The following PHF21A variants were observed in gnomAD, a reference collection of about 807,000 sequenced individuals.
The protein encoded by PHF21A is PHD finger protein 21A.
PHF21A carries 11 observed loss-of-function variants against 82.5 expected under a neutral mutation model. The ratio of observed to expected loss-of-function variants is 0.13; its 90% CI spans 0.08 to 0.22. The LOEUF (loss-of-function observed/expected upper bound fraction) is 0.22. Ranked by LOEUF, PHF21A falls within the 10% of genes least tolerant of loss-of-function variation. The pLI, the probability that PHF21A is intolerant of heterozygous loss-of-function variation, is 1.00. For synonymous variants in PHF21A, 297 were observed against 302.8 expected, an observed-to-expected ratio of 0.98 and a Z score of 0.20; for missense variants, 579 against 837.8, an observed-to-expected ratio of 0.69 and a Z score of 3.81.
intron 1 of PHF21A, among the ~76,000 whole-genome samples, chr11:46,114,103 A>ACACG (rs746790251): frequency 0.022 from 3,268 of 150,580 alleles, 107 homozygotes; most frequent in African/African-American, 0.073. Flanking sequence ...ACACACACAC[A>ACACG]CGCACACATC....
At chr11:45,942,384 A>G (rs2090519019) in intron 15 of PHF21A, among the ~76,000 whole-genome samples, 1 of 152,152 alleles carries the variant, frequency 6.6e-6, no homozygotes, top group Admixed American at 6.5e-5. Flanking sequence ...CACAAAATCA[A>G]CTGTCCCCTA....
chr11:46,107,342 A>G (rs76858304), intron 1 of PHF21A, among the ~76,000 whole-genome samples: 1,818 of 152,324 alleles, frequency 0.012, 21 homozygotes, highest in Non-Finnish European at 0.019. Context: ...CACCATCCAT[A>G]ACATTAATTG....
At chr11:46,073,615 G>T (rs906470424) in intron 6 of PHF21A, among the ~76,000 whole-genome samples, 1 of 151,964 alleles carries the variant, frequency 6.6e-6, no homozygotes, top group Admixed American at 6.6e-5. Context: ...TTTTGCATAC[G>T]TTTACACGCC....
intron 6 of PHF21A, among the ~76,000 whole-genome samples, chr11:46,011,280 G>A (rs766303940): frequency 1.1e-4 from 17 of 152,194 alleles, no homozygotes; most frequent in Non-Finnish European, 1.8e-4. Flanking sequence ...CCTGAGGTCA[G>A]GAGTTCAAGG....
chr11:46,092,247 G>A (rs2096934140), intron 1 of PHF21A, 24 bp from the exon 2 acceptor site: 1 of 152,068 alleles, frequency 6.6e-6, no homozygotes, highest in African/African-American at 2.4e-5. Flanking sequence ...ACGGGAAAAT[G>A]GAATTAGACA....
intron 16 of PHF21A, among the ~76,000 whole-genome samples, chr11:45,937,749 G>A (rs1161478728): frequency 6.6e-6 from 1 of 152,206 alleles, no homozygotes; most frequent in Non-Finnish European, 1.5e-5. Flanking sequence ...CCAAAGTGCT[G>A]AGATTACAGG....
At chr11:46,033,397 T>C (rs1396083137) in intron 6 of PHF21A, among the ~76,000 whole-genome samples, 1 of 152,164 alleles carries the variant, frequency 6.6e-6, no homozygotes, top group African/African-American at 2.4e-5. Context: ...CCCAAACAGC[T>C]GGGACCACAG....
At chr11:46,092,025 G>T (rs1413446285) in intron 2 of PHF21A, among the ~76,000 whole-genome samples, 158 bp downstream of exon 2, 1 of 151,190 alleles carries the variant, frequency 6.6e-6, no homozygotes, top group African/African-American at 2.4e-5. Flanking sequence ...ATAGCTACGT[G>T]AAATTAGACA....
At chr11:46,038,082 T>C (rs1366014335) in intron 6 of PHF21A, among the ~76,000 whole-genome samples, 1 of 152,130 alleles carries the variant, frequency 6.6e-6, no homozygotes, top group Non-Finnish European at 1.5e-5. Flanking sequence ...GTTATCTGCC[T>C]CCCTGTATTG....
At chr11:45,973,758 A>G (rs2093889870) in intron 7 of PHF21A, among the ~76,000 whole-genome samples, 1 of 152,234 alleles carries the variant, frequency 6.6e-6, no homozygotes. Context: ...GTCGATTTAA[A>G]GAACTTCTGA....
rs775303207 is a variant in PHF21A at position 45,946,105 on chromosome 11, T to C, written c.1289-102A>G. ...GGCCAGTGTTCCTCATTGGCTAGCA[T>C]GGAAAAGGAAGTGAGGTAGCAGACA... is the stretch of plus-strand genomic sequence containing the variant. On this transcript the variant is annotated intron_variant, in intron 14 of 18. Coordinates refer to ENST00000676320, the MANE Select transcript of PHF21A (RefSeq NM_001352027.3). 3.1e-6 allele frequency: 5 copies of C among 1,613,712 alleles called. No individual in the cohort carries two copies. In the South Asian group the frequency reaches 4.4e-5, roughly 14 times the overall value.
At chr11:45,946,280 G>A (rs1400576927) in intron 14 of PHF21A, among the ~76,000 whole-genome samples, 1 of 152,202 alleles carries the variant, frequency 6.6e-6, no homozygotes, top group Non-Finnish European at 1.5e-5. Context: ...ACCTCACCTT[G>A]GGCAGATTGT....
At chr11:45,983,980 G>A (rs796470316) in intron 6 of PHF21A, among the ~76,000 whole-genome samples, 39 of 152,238 alleles carry the variant, frequency 2.6e-4, no homozygotes, top group African/African-American at 9.4e-4. Flanking sequence ...GGTCACTGAC[G>A]AAGGTTATAC....
intron 6 of PHF21A, chr11:46,049,372 T>C: frequency 2.2e-6 from 1 of 450,560 alleles, no homozygotes; most frequent in Non-Finnish European, 4.4e-6. Flanking sequence ...TTTTGATCCA[T>C]TAGGTTGAAC....
At chr11:46,039,105 A>C (rs181783081) in intron 6 of PHF21A, among the ~76,000 whole-genome samples, 3 of 152,208 alleles carry the variant, frequency 2.0e-5, no homozygotes, top group Admixed American at 2.0e-4. Flanking sequence ...CTGACAGACA[A>C]CTCTAAAGAC....
At chr11:46,107,348 A>G (rs998294614) in intron 1 of PHF21A, among the ~76,000 whole-genome samples, 1 of 152,208 alleles carries the variant, frequency 6.6e-6, no homozygotes, top group Non-Finnish European at 1.5e-5. Flanking sequence ...CCATAACATT[A>G]ATTGAGCCCT....
intron 5 of PHF21A, 53 bp downstream of exon 5, chr11:46,079,080 AT>A: frequency 9.0e-7 from 1 of 1,116,270 alleles, no homozygotes; most frequent in South Asian, 1.5e-5. Flanking sequence ...TGGTGATTTT[AT>A]TTTAAATTAT....
chr11:46,022,079 A>G (rs1191373280), intron 6 of PHF21A, among the ~76,000 whole-genome samples: 1 of 152,220 alleles, frequency 6.6e-6, no homozygotes, highest in Non-Finnish European at 1.5e-5. Flanking sequence ...GAATGACATA[A>G]AAGAACTAAA....
Position 45,933,806 on chromosome 11 carries a change from C to T in PHF21A, c.*162G>A. ...ACACAGAATAAGAAGGATCAATTGG[C>T]AAACTCTGGTGCCACCTGGCACAAG... On this transcript the variant is annotated 3_prime_UTR_variant, in exon 19 of 19. Transcript: ENST00000676320. 1 of 620,742 alleles carries T rather than the reference C, an allele frequency of 1.6e-6. No individual in the cohort carries two copies. The highest frequency in any genetic ancestry group is 2.6e-6 in the Non-Finnish European group (1 of 378,104). 38.5% of individuals were successfully genotyped at this position (620,742 alleles called of 1,614,324 possible). A position where few individuals can be genotyped will look rare whatever the true frequency, so the allele number is the denominator to read the frequency against.
Sources: gnomAD v4.1 joint callset for allele counts (sites outside exome capture counted in the v4.1 genomes callset) on GRCh38, gnomAD v4.1.1 for gene constraint, MANE v1.5 for transcripts, NCBI Gene and HGNC (gene_info 2026-07-23, HGNC 2026-07-21) for gene names.